COX5A: variants seen among roughly 807,000 people sequenced by gnomAD.
The protein encoded by COX5A is cytochrome c oxidase subunit 5A.
A neutral mutation model predicts 16.1 loss-of-function variants in COX5A; 6 were observed. The observed-to-expected ratio is 0.37, with a 90% confidence interval of 0.20 to 0.73. The LOEUF (loss-of-function observed/expected upper bound fraction) is 0.73. COX5A is among the 30% of genes least tolerant of loss of function. The probability of loss-of-function intolerance (pLI) is 0.50; values close to 1 mark genes in which losing one functional copy is unlikely to be tolerated. For synonymous variants in COX5A, 73 were observed against 73.8 expected, an observed-to-expected ratio of 0.99 and a Z score of 0.06; for missense variants, 159 against 194.9, an observed-to-expected ratio of 0.82 and a Z score of 1.10.
At chr15:74,927,948 T>TG (rs2065351103) in intron 2 of COX5A, among the ~76,000 whole-genome samples, 1 of 152,186 alleles carries the variant, frequency 6.6e-6, no homozygotes, top group East Asian at 1.9e-4. Flanking sequence ...AGAAAATGAT[T>TG]GGGCATGATT....
intron 2 of COX5A, 75 bp from the exon 3 acceptor site, chr15:74,926,962 T>G (rs1413054671): frequency 6.7e-7 from 1 of 1,487,674 alleles, no homozygotes; most frequent in Non-Finnish European, 9.1e-7. Flanking sequence ...ATATTTTTAC[T>G]GAATCACTGA....
intron 2 of COX5A, among the ~76,000 whole-genome samples, chr15:74,927,752 A>G (rs1025557932): frequency 6.6e-6 from 1 of 152,152 alleles, no homozygotes; most frequent in African/African-American, 2.4e-5. Context: ...AGCCTGGGCA[A>G]TAAGAGAGAA....
chr15:74,923,529 G>C (rs1423275096), intron 4 of COX5A, 119 bp downstream of exon 4: 1 of 534,648 alleles, frequency 1.9e-6, no homozygotes, highest in Non-Finnish European at 3.4e-6. Flanking sequence ...ATCTCTTCAT[G>C]CTCACGGCCA....
chr15:74,920,373 T>C lies in COX5A; in HGVS notation c.*79A>G. On this transcript the variant is annotated 3_prime_UTR_variant, in exon 5 of 5. Transcript: ENST00000322347. ...AACTTGTTCAAATAAGGTAATATGT[T>C]ATCATCAGTATTTCCAGGTAACTGT... The C allele has an allele frequency of 1.4e-6, 1 of 694,292 alleles. No individual in the cohort carries two copies. Among genetic ancestry groups the C allele is most frequent in the Non-Finnish European group, 2.6e-6 (1 of 382,118 alleles). 43.0% of individuals were successfully genotyped at this position (694,292 alleles called of 1,614,324 possible).
chr15:74,933,524 G>A (rs2065376360), intron 1 of COX5A, among the ~76,000 whole-genome samples: 1 of 152,106 alleles, frequency 6.6e-6, no homozygotes, highest in African/African-American at 2.4e-5. Flanking sequence ...CTTAGGGCCA[G>A]ATGCAGTGGC....
intron 1 of COX5A, among the ~76,000 whole-genome samples, chr15:74,933,211 C>T (rs2065374378): frequency 6.6e-6 from 1 of 151,478 alleles, no homozygotes; most frequent in Non-Finnish European, 1.5e-5. Context: ...GCCAGGAGTT[C>T]AAGACCAGCC....
At chr15:74,933,949 T>G (rs1318361693) in intron 1 of COX5A, among the ~76,000 whole-genome samples, 1 of 152,222 alleles carries the variant, frequency 6.6e-6, no homozygotes, top group African/African-American at 2.4e-5. Context: ...TTTGATCATA[T>G]GTCTTCTGGA....
chr15:74,929,191 T>C lies in COX5A; in HGVS notation c.142A>G (p.Thr48Ala). 1 of 1,614,090 alleles carries C rather than the reference T, an allele frequency of 6.2e-7. No homozygotes were observed. The highest frequency in any genetic ancestry group is 8.5e-7 in the Non-Finnish European group (1 of 1,179,980). The change falls in exon 2 of 5, where the codon ACA (threonine) becomes GCA (alanine). Residue 48 changes from threonine to alanine, a missense_variant. Coordinates refer to ENST00000322347, the MANE Select transcript of COX5A (RefSeq NM_004255.4). ...CAGCGAGCATCAAACTCCTCATCTG[T>C]CTCCTGTGACCCATGGGAATAGCAG... The part of the protein sequence containing the change: ...VRCYSHGSQE[T>A]DEEFDARWVT...
chr15:74,929,027 T>C (rs2065355158), intron 2 of COX5A, 89 bp downstream of exon 2: 2 of 917,846 alleles, frequency 2.2e-6, no homozygotes, highest in Admixed American at 1.8e-5. Flanking sequence ...AAACAACGCA[T>C]GTTTTCGAAA....
chr15:74,924,003 A>C (rs2065332813), intron 3 of COX5A, among the ~76,000 whole-genome samples: 1 of 151,624 alleles, frequency 6.6e-6, no homozygotes, highest in African/African-American at 2.4e-5. Context: ...AACATGGTGA[A>C]ATCCCGTCTC....
intron 4 of COX5A, among the ~76,000 whole-genome samples, chr15:74,921,797 T>C (rs1221666523): frequency 6.6e-6 from 1 of 152,102 alleles, no homozygotes; most frequent in Admixed American, 6.6e-5. Context: ...TCTGAACAAC[T>C]AGTTTTCTTT....
At chr15:74,922,719 A>T (rs1338143250) in intron 4 of COX5A, among the ~76,000 whole-genome samples, 2 of 146,002 alleles carry the variant, frequency 1.4e-5, no homozygotes, top group African/African-American at 5.2e-5. Context: ...AGGCTGGAGT[A>T]CAGTGACACA....
Position 74,926,412 on chromosome 15 carries a change from A to G in COX5A, c.339+354T>C, listed in dbSNP as rs187614352. On this transcript the variant is annotated intron_variant, in intron 3 of 4. Transcript: ENST00000322347. ...GCTGGTCTCAAACTCCTGACATTGC[A>G]TGATCCACCCGCCTTAGCCTCCTAA... 8.6e-3 allele frequency among the ~76,000 whole-genome samples: 1,297 copies of G among 151,400 alleles called. 21 individuals are homozygous for G. The highest frequency in any genetic ancestry group is 0.03 in the African/African-American group (1,254 of 41,236).
intron 1 of COX5A, among the ~76,000 whole-genome samples, chr15:74,931,172 A>C (rs897191502): frequency 1.3e-5 from 2 of 151,240 alleles, no homozygotes; most frequent in Non-Finnish European, 3.0e-5. Context: ...CGTACACTCT[A>C]ATCTACACCT....
intron 3 of COX5A, among the ~76,000 whole-genome samples, chr15:74,925,965 A>C (rs901873916): frequency 1.1e-4 from 17 of 151,352 alleles, no homozygotes; most frequent in African/African-American, 4.1e-4. Flanking sequence ...TCCCGGGTTC[A>C]AGCAATTCTC....
At chr15:74,926,965 A>G in intron 2 of COX5A, 78 bp from the exon 3 acceptor site, 2 of 1,472,200 alleles carry the variant, frequency 1.4e-6, no homozygotes, top group South Asian at 2.5e-5. Flanking sequence ...TTTTTACTGA[A>G]TCACTGATGT....
At chr15:74,937,167 G>A (rs2065394675) in intron 1 of COX5A, among the ~76,000 whole-genome samples, 1 of 152,120 alleles carries the variant, frequency 6.6e-6, no homozygotes. Context: ...ACAAAAATCA[G>A]AAGCACGTCT....
At chr15:74,926,201 G>A (rs1267378710) in intron 3 of COX5A, among the ~76,000 whole-genome samples, 9 of 148,126 alleles carry the variant, frequency 6.1e-5, no homozygotes, top group Admixed American at 2.7e-4. Flanking sequence ...CACCACACCC[G>A]GCTAATTTTT....
intron 3 of COX5A, among the ~76,000 whole-genome samples, chr15:74,924,347 A>G (rs2065334300): frequency 6.6e-6 from 1 of 151,016 alleles, no homozygotes; most frequent in Non-Finnish European, 1.5e-5. Context: ...GACCATCCTG[A>G]CCAACATGGT....
Sources: gnomAD v4.1 joint callset for allele counts (sites outside exome capture counted in the v4.1 genomes callset) on GRCh38, gnomAD v4.1.1 for gene constraint, MANE v1.5 for transcripts, NCBI Gene and HGNC (gene_info 2026-07-23, HGNC 2026-07-21) for gene names.